EYA1: variants seen among roughly 807,000 people sequenced by gnomAD.
The protein encoded by EYA1 is EYA transcriptional coactivator and phosphatase 1, also known as protein phosphatase EYA1.
A neutral mutation model predicts 82.0 loss-of-function variants in EYA1; 16 were observed. That is an observed-to-expected ratio of 0.20 (90% CI 0.13 to 0.30). The LOEUF (loss-of-function observed/expected upper bound fraction) is 0.30. Ranked by LOEUF, EYA1 falls within the 10% of genes least tolerant of loss-of-function variation. The pLI is 1.00. For missense variants in EYA1, 633 were observed against 730.7 expected, an observed-to-expected ratio of 0.87 and a Z score of 1.54; for synonymous variants, 261 against 264.4, an observed-to-expected ratio of 0.99 and a Z score of 0.12.
At chr8:71,545,252 G>A (rs1194453558) in intron 1 of EYA1, among the ~76,000 whole-genome samples, 1 of 152,200 alleles carries the variant, frequency 6.6e-6, no homozygotes, top group Non-Finnish European at 1.5e-5. Context: ...CATAGTACAT[G>A]CTCAATAAAT....
chr8:71,365,618 G>C (rs904724676), upstream of EYA1, among the ~76,000 whole-genome samples: 4 of 152,094 alleles, frequency 2.6e-5, no homozygotes, highest in African/African-American at 9.7e-5. Flanking sequence ...AGTCTTCCTG[G>C]TTTCACATAA....
chr8:71,457,986 G>T lies in EYA1; in HGVS notation c.33+77758C>A, dbSNP rs10101260. Among the ~76,000 whole-genome samples the T allele has an allele frequency of 1.4e-3, 220 of 152,246 alleles. 3 individuals carry two copies. Among genetic ancestry groups the T allele is most frequent in the African/African-American group, 5.1e-3 (210 of 41,534 alleles). ...AATTACAGGCTCCTATTCTGTTAAA[G>T]TTCAATTTTTGAGTCAGCATCTAAG... On this transcript the variant is annotated intron_variant, in intron 2 of 18. Coordinates refer to the EYA1 transcript ENST00000643681.
chr8:71,541,721 G>A (rs763842471), intron 1 of EYA1, among the ~76,000 whole-genome samples: 3 of 152,212 alleles, frequency 2.0e-5, no homozygotes, highest in African/African-American at 4.8e-5. Flanking sequence ...TGTTTGTAAC[G>A]AGGAAATTCA....
chr8:71,401,283 C>G (rs1439057938), intron 2 of EYA1, among the ~76,000 whole-genome samples: 1 of 152,206 alleles, frequency 6.6e-6, no homozygotes, highest in Non-Finnish European at 1.5e-5. Context: ...TATCCCAGAA[C>G]TTAAAATAAA....
Position 71,216,961 on chromosome 8 carries a change from T to C in EYA1, c.1199+4A>G. 1 of 1,613,372 alleles carries C rather than the reference T, an allele frequency of 6.2e-7. No homozygotes were observed. The highest frequency in any genetic ancestry group is 8.5e-7 in the Non-Finnish European group (1 of 1,179,290). ...ATGGTCACTTCACATTCAAGGGTGC[T>C]CACCTTAGGTCCTGTCCGTTATCAT... On this transcript the variant is annotated splice_donor_region_variant and intron_variant, in intron 13 of 17. Coordinates refer to ENST00000340726, the MANE Select transcript of EYA1 (RefSeq NM_000503.6).
intron 11 of EYA1, among the ~76,000 whole-genome samples, chr8:71,269,475 A>C (rs901547704): frequency 6.6e-6 from 1 of 152,230 alleles, no homozygotes; most frequent in Non-Finnish European, 1.5e-5. Context: ...TCCTAGGATA[A>C]AATTCAATCA....
chr8:71,371,748 G>A (rs929673440), intron 2 of EYA1, among the ~76,000 whole-genome samples: 1 of 151,962 alleles, frequency 6.6e-6, no homozygotes, highest in Non-Finnish European at 1.5e-5. Context: ...AGAAATAAGA[G>A]AAGATACTGA....
chr8:71,472,788 G>GATATATATATATATAT (rs71264559), intron 2 of EYA1, among the ~76,000 whole-genome samples: 1,616 of 126,402 alleles, frequency 0.013, 30 homozygotes, highest in Admixed American at 0.039. Flanking sequence ...TAGCTTTGAA[G>GATATATATATATATAT]ATATATATAT....
intron 2 of EYA1, among the ~76,000 whole-genome samples, chr8:71,372,543 T>C (rs939121360): frequency 2.0e-5 from 3 of 152,078 alleles, no homozygotes; most frequent in Non-Finnish European, 2.9e-5. Context: ...ATGAATATAA[T>C]TTCTGGTTCT....
chr8:71,475,166 A>G (rs1809555726), intron 2 of EYA1, among the ~76,000 whole-genome samples: 1 of 152,204 alleles, frequency 6.6e-6, no homozygotes, highest in Non-Finnish European at 1.5e-5. Flanking sequence ...TGGAGTAGAT[A>G]TTCATGTGTT....
chr8:71,384,360 T>G (rs1828865068), intron 2 of EYA1, among the ~76,000 whole-genome samples: 1 of 152,192 alleles, frequency 6.6e-6, no homozygotes, highest in African/African-American at 2.4e-5. Flanking sequence ...CAGACTTCAC[T>G]GGCTGTTCTC....
At chr8:71,467,656 T>C (rs977726589) in intron 2 of EYA1, among the ~76,000 whole-genome samples, 30 of 152,158 alleles carry the variant, frequency 2.0e-4, no homozygotes, top group Non-Finnish European at 7.4e-5. Context: ...ATTAGAGTCA[T>C]TGACTGGGGT....
intron 2 of EYA1, among the ~76,000 whole-genome samples, chr8:71,491,363 CAGAGA>C (rs1001707836): frequency 1.3e-5 from 2 of 152,148 alleles, no homozygotes; most frequent in African/African-American, 4.8e-5. Flanking sequence ...GATAGGGCTA[CAGAGA>C]AGAGGATATT....
intron 2 of EYA1, among the ~76,000 whole-genome samples, chr8:71,410,227 T>C (rs898562748): frequency 1.5e-5 from 2 of 129,316 alleles, no homozygotes; most frequent in Non-Finnish European, 3.3e-5. Flanking sequence ...TGGGACGTAT[T>C]TCAAAATAAT....
intron 11 of EYA1, among the ~76,000 whole-genome samples, chr8:71,254,476 G>A (rs776624776): frequency 6.6e-6 from 1 of 152,014 alleles, no homozygotes; most frequent in Admixed American, 6.5e-5. Flanking sequence ...AGAATCTATA[G>A]ATTATAGACA....
chr8:71,532,671 C>G (rs1400769497), intron 2 of EYA1, among the ~76,000 whole-genome samples: 1 of 152,106 alleles, frequency 6.6e-6, no homozygotes, highest in Non-Finnish European at 1.5e-5. Flanking sequence ...CGATTCCTAT[C>G]AGAAATATGC....
intron 9 of EYA1, among the ~76,000 whole-genome samples, chr8:71,278,550 TTA>T (rs1341436581): frequency 6.6e-6 from 1 of 152,220 alleles, no homozygotes; most frequent in Admixed American, 6.5e-5. Context: ...TGCTTAAAAA[TTA>T]TATTCCCTCT....
intron 7 of EYA1, among the ~76,000 whole-genome samples, 181 bp from the exon 8 acceptor site, chr8:71,299,901 T>C (rs917380770): frequency 1.3e-5 from 2 of 152,150 alleles, no homozygotes; most frequent in Non-Finnish European, 2.9e-5. Flanking sequence ...ACTACAAAAT[T>C]AAAAAACAAA....
intron 7 of EYA1, among the ~76,000 whole-genome samples, chr8:71,309,876 C>A (rs868812128): frequency 6.6e-6 from 1 of 152,186 alleles, no homozygotes; most frequent in Non-Finnish European, 1.5e-5. Context: ...GAACCCCAAT[C>A]TCTTTAGCAG....
Sources: allele counts gnomAD v4.1 joint callset (sites outside exome capture counted in the v4.1 genomes callset), GRCh38; gene constraint gnomAD v4.1.1; transcripts MANE v1.5; gene names NCBI Gene and HGNC (gene_info 2026-07-23, HGNC 2026-07-21).